Variants in ZRANB3 observed in about 807,000 individuals in gnomAD.
ZRANB3 encodes zinc finger RANBP2-type containing 3.
Under a neutral mutation model 133.8 loss-of-function variants are expected in ZRANB3, and 125 were observed. The ratio of observed to expected loss-of-function variants is 0.93; its 90% CI spans 0.81 to 1.08. The LOEUF (loss-of-function observed/expected upper bound fraction) is 1.08. ZRANB3 is among the 50% of genes least tolerant of loss of function. The pLI is 0.00. For missense variants in ZRANB3, 1,229 were observed against 1,275.5 expected (o/e 0.96, Z 0.56); for synonymous variants, 387 against 432.7 (o/e 0.89, Z 1.31).
At chr2:135,379,394 A>T (rs79446989) in intron 3 of ZRANB3, among the ~76,000 whole-genome samples, 4,829 of 152,252 alleles carry the variant, frequency 0.032, 247 homozygotes, top group African/African-American at 0.11. Flanking sequence ...TACTGTCTCA[A>T]AAATAGAAAG....
chr2:135,504,568 C>T (rs1693091295), intron 1 of ZRANB3, 72 bp from the exon 2 acceptor site: 3 of 1,298,482 alleles, frequency 2.3e-6, no homozygotes, highest in Non-Finnish European at 2.1e-6. Flanking sequence ...TACAGAATCA[C>T]ATATAAATAA....
chr2:135,401,139 T>C (rs1373900632), intron 2 of ZRANB3, among the ~76,000 whole-genome samples: 1 of 152,038 alleles, frequency 6.6e-6, no homozygotes, highest in African/African-American at 2.4e-5. Flanking sequence ...GGACTTAGGG[T>C]AGTGTGGAAT....
At chr2:135,339,990 A>T (rs565898385) in intron 6 of ZRANB3, among the ~76,000 whole-genome samples, 2 of 152,280 alleles carry the variant, frequency 1.3e-5, no homozygotes, top group Admixed American at 1.3e-4. Flanking sequence ...AAACAAAGTT[A>T]TAAAAGAATT....
intron 3 of ZRANB3, among the ~76,000 whole-genome samples, chr2:135,355,972 T>C (rs1685412088): frequency 6.6e-6 from 1 of 152,190 alleles, no homozygotes; most frequent in South Asian, 2.1e-4. Context: ...TAAATTTACT[T>C]GGTGCCAGTC....
intron 2 of ZRANB3, among the ~76,000 whole-genome samples, chr2:135,435,804 T>C (rs1272253609): frequency 6.6e-6 from 1 of 152,236 alleles, no homozygotes; most frequent in Non-Finnish European, 1.5e-5. Context: ...GAAGTGTCTG[T>C]TCATGTCCTT....
rs112209442 is a variant in ZRANB3, at chr2:135,272,414, C to CTTTTTTTTTTTTT, written c.1087-540_1087-528dup. Among the ~76,000 whole-genome samples the CTTTTTTTTTTTTT allele has an allele frequency of 2.4e-3, 255 of 107,726 alleles. 34 individuals carry two copies. The highest frequency in any genetic ancestry group is 9.9e-3 in the African/African-American group (220 of 22,116). 70.7% of individuals were successfully genotyped at this position (107,726 alleles called of 152,430 possible). A position where few individuals can be genotyped will look rare whatever the true frequency, so the allele number is the denominator to read the frequency against. Reference sequence around the variant, plus strand: ...CCAAATATTAACTGGGAAAATAGAGCTTTTTTTTTTTTTTTTTTGTGACGG... The same window carrying CTTTTTTTTTTTTT: ...CCAAATATTAACTGGGAAAATAGAGCTTTTTTTTTTTTTTTTTTTTTTTTTTTTTTTGTGACGG... On this transcript the variant is annotated intron_variant, in intron 9 of 20. Transcript: ENST00000264159.
intron 2 of ZRANB3, among the ~76,000 whole-genome samples, chr2:135,401,845 A>T (rs1043523024): frequency 6.6e-6 from 1 of 152,190 alleles, no homozygotes; most frequent in South Asian, 2.1e-4. Flanking sequence ...ATTCCTCATC[A>T]TTAAAAAAGG....
intron 12 of ZRANB3, among the ~76,000 whole-genome samples, chr2:135,233,483 T>C (rs540154047): frequency 2.6e-5 from 4 of 151,872 alleles, no homozygotes; most frequent in African/African-American, 9.7e-5. Flanking sequence ...CTCCAAGACA[T>C]ACAATCGTCA....
At chr2:135,280,858 C>T (rs958141268) in intron 8 of ZRANB3, among the ~76,000 whole-genome samples, 1 of 152,222 alleles carries the variant, frequency 6.6e-6, no homozygotes, top group African/African-American at 2.4e-5. Flanking sequence ...ACTAAGCCCT[C>T]ACCTTGGCCT....
intron 2 of ZRANB3, among the ~76,000 whole-genome samples, chr2:135,431,224 C>G (rs1425857987): frequency 1.3e-5 from 2 of 151,482 alleles, no homozygotes; most frequent in East Asian, 3.9e-4. Context: ...CTCAGAGAGT[C>G]GAGGCTGCAG....
intron 1 of ZRANB3, among the ~76,000 whole-genome samples, chr2:135,520,419 T>G (rs1181953424): frequency 1.3e-5 from 2 of 151,232 alleles, no homozygotes; most frequent in Admixed American, 6.6e-5. Context: ...ATTTCTTTTT[T>G]TTTTTTTTTT....
chr2:135,525,661 A>G (rs1694123984), intron 1 of ZRANB3, among the ~76,000 whole-genome samples: 1 of 152,168 alleles, frequency 6.6e-6, no homozygotes, highest in South Asian at 2.1e-4. Flanking sequence ...CTGCCTGGCC[A>G]ACATGGCGAA....
At chr2:135,462,214 C>A (rs1436437858) in intron 2 of ZRANB3, among the ~76,000 whole-genome samples, 1 of 152,172 alleles carries the variant, frequency 6.6e-6, no homozygotes, top group Non-Finnish European at 1.5e-5. Flanking sequence ...CTGATGGACA[C>A]TTTCCACAAC....
At chr2:135,498,158 C>T (rs977708916) in intron 2 of ZRANB3, among the ~76,000 whole-genome samples, 2 of 151,918 alleles carry the variant, frequency 1.3e-5, no homozygotes, top group Admixed American at 1.3e-4. Flanking sequence ...GATTGTAAAT[C>T]GAATTAGTGT....
At chr2:135,326,593 C>T (rs188465172) in intron 6 of ZRANB3, among the ~76,000 whole-genome samples, 5 of 151,842 alleles carry the variant, frequency 3.3e-5, no homozygotes, top group African/African-American at 1.2e-4. Flanking sequence ...TATTAAGTCC[C>T]GCATAATTAT....
chr2:135,449,513 G>A (rs1281408031), intron 2 of ZRANB3, among the ~76,000 whole-genome samples: 7 of 152,144 alleles, frequency 4.6e-5, no homozygotes, highest in South Asian at 2.1e-4. Context: ...CCAGCTACTC[G>A]GGAGGCTGAG....
At chr2:135,378,267 C>T (rs1025356434) in intron 3 of ZRANB3, among the ~76,000 whole-genome samples, 12 of 152,094 alleles carry the variant, frequency 7.9e-5, no homozygotes, top group Non-Finnish European at 1.3e-4. Flanking sequence ...CTGAAGCAGG[C>T]GGATCACTTG....
Position 135,231,073 on chromosome 2 carries a change from C to T in ZRANB3, c.1540-146G>A, listed in dbSNP as rs1325658206. On this transcript the variant is annotated intron_variant, in intron 12 of 20. Coordinates refer to ENST00000264159, the MANE Select transcript of ZRANB3 (RefSeq NM_032143.4). ...GAAATGAATTCATTATGCTCTGACT[C>T]TTCATATATACATATATAAATATAT... 3 of 560,676 alleles carry T rather than the reference C, an allele frequency of 5.4e-6. No homozygotes were observed. The African/African-American group carries it at 5.9e-5, about 11-fold the overall frequency. The allele number at this position is 560,676 out of a possible 1,614,324, so 34.7% of individuals were successfully genotyped here. A position where few individuals can be genotyped will look rare whatever the true frequency, so the allele number is the denominator to read the frequency against.
At chr2:135,331,387 A>C (rs919367233) in intron 6 of ZRANB3, among the ~76,000 whole-genome samples, 1 of 152,140 alleles carries the variant, frequency 6.6e-6, no homozygotes, top group Non-Finnish European at 1.5e-5. Context: ...TGAGTTTCTT[A>C]ATCTTGAGTT....
Sources: allele counts gnomAD v4.1 joint callset (sites outside exome capture counted in the v4.1 genomes callset), GRCh38; gene constraint gnomAD v4.1.1; transcripts MANE v1.5; gene names NCBI Gene and HGNC (gene_info 2026-07-23, HGNC 2026-07-21).